RIMBP2: variants seen among roughly 807,000 people sequenced by gnomAD.
RIMBP2 encodes the protein RIMS binding protein 2, also known as RIMS-binding protein 2.
RIMBP2 carries 48 observed loss-of-function variants against 118.6 expected under a neutral mutation model. The ratio of observed to expected loss-of-function variants is 0.40; its 90% CI spans 0.32 to 0.51. The LOEUF (loss-of-function observed/expected upper bound fraction) is 0.51. RIMBP2 is among the 20% of genes least tolerant of loss of function. RIMBP2 has a pLI of 0.41. For synonymous variants in RIMBP2, 762 were observed against 742.9 expected (o/e 1.03, Z -0.42); for missense variants, 1,551 against 1,768.3 (o/e 0.88, Z 2.20).
chr12:130,423,645 G>A (rs1593241804), intron 16 of RIMBP2, among the ~76,000 whole-genome samples: 1 of 83,534 alleles, frequency 1.2e-5, no homozygotes. Flanking sequence ...AAGAACTTTG[G>A]AAACAATATG....
At chr12:130,516,555 G>A (rs572422111) in intron 3 of RIMBP2, among the ~76,000 whole-genome samples, 2 of 152,386 alleles carry the variant, frequency 1.3e-5, no homozygotes, top group South Asian at 4.1e-4. Flanking sequence ...AGGGAGGGCT[G>A]TTAGAGTGGA....
intron 11 of RIMBP2, among the ~76,000 whole-genome samples, chr12:130,439,320 T>C (rs1393743144): frequency 6.6e-6 from 1 of 151,060 alleles, no homozygotes; most frequent in African/African-American, 2.4e-5. Context: ...TGTGTATAGA[T>C]GTGTGTAAGT....
chr12:130,631,649 TA>T (rs1159691819), intron 1 of RIMBP2, among the ~76,000 whole-genome samples: 1 of 151,816 alleles, frequency 6.6e-6, no homozygotes, highest in African/African-American at 2.4e-5. Context: ...AAAGTGCTGC[TA>T]ATATTTTTTT....
intron 19 of RIMBP2, among the ~76,000 whole-genome samples, chr12:130,411,559 A>T (rs907680211): frequency 2.0e-5 from 3 of 151,856 alleles, no homozygotes; most frequent in Admixed American, 1.3e-4. Flanking sequence ...AGCATAAAAA[A>T]TTTTAATCTA....
intron 2 of RIMBP2, among the ~76,000 whole-genome samples, chr12:130,618,022 TC>T (rs2061056203): frequency 1.9e-3 from 1 of 526 alleles, no homozygotes; most frequent in Admixed American, 0.1. Flanking sequence ...AAAGACCTCT[TC>T]TAAAAAAAAA....
In RIMBP2 at chr12:130,442,452, C is replaced by T; in HGVS notation, c.900G>A (p.Gly300=). Residue 300 remains glycine, a synonymous_variant, in exon 11 of 23, where the codon GGG becomes GGA. Coordinates refer to ENST00000690449, the MANE Select transcript of RIMBP2 (RefSeq NM_001393629.1). The surrounding 1 kb of genome is among the most constrained non-coding windows in gnomAD (Gnocchi z 6.9). ...TGTCGTCGATGTTCACGTCCAGGGTCCCGGCACTGTTGTCGGTGATGCCCG... is the reference window on the plus strand; with the variant it reads ...TGTCGTCGATGTTCACGTCCAGGGTTCCGGCACTGTTGTCGGTGATGCCCG... ...IDAGITDNSA[G]TLDVNIDDIG... is the part of the protein sequence containing the mutation. 1.9e-6 allele frequency: 3 copies of T among 1,614,196 alleles called. No individual in the cohort carries two copies. The highest frequency in any genetic ancestry group is 2.2e-5 in the South Asian group (2 of 91,070).
Position 130,397,138 on chromosome 12 carries a change from C to G in RIMBP2, c.*223G>C. 1 of 327,872 alleles carries G rather than the reference C, an allele frequency of 3.0e-6. No homozygotes were observed. The highest frequency in any genetic ancestry group is 4.9e-5 in the Admixed American group (1 of 20,458). 20.3% of individuals were successfully genotyped at this position (327,872 alleles called of 1,614,324 possible). A position where few individuals can be genotyped will look rare whatever the true frequency, so the allele number is the denominator to read the frequency against. On this transcript the variant is annotated 3_prime_UTR_variant, in exon 23 of 23. Transcript: ENST00000690449. ...AGACGTCCCCTCCCACCTCCCAAAT[C>G]AGAGCTTGGACAATGAGAGCAGACT...
At chr12:130,642,743 C>A (rs1435977175) in intron 1 of RIMBP2, among the ~76,000 whole-genome samples, 1 of 152,204 alleles carries the variant, frequency 6.6e-6, no homozygotes, top group African/African-American at 2.4e-5. Flanking sequence ...ATAGCAACAA[C>A]CTTATAAGTC....
intron 17 of RIMBP2, among the ~76,000 whole-genome samples, chr12:130,418,532 T>C (rs969540972): frequency 6.6e-6 from 1 of 152,140 alleles, no homozygotes; most frequent in African/African-American, 2.4e-5. Context: ...GTCAGTGTGA[T>C]CTAGTGAATG....
At chr12:130,496,598 A>C (rs912074761) in intron 4 of RIMBP2, among the ~76,000 whole-genome samples, 4 of 151,988 alleles carry the variant, frequency 2.6e-5, no homozygotes, top group African/African-American at 9.7e-5. Context: ...ATACCTCATG[A>C]AAGGCCACGT....
chr12:130,541,064 G>C (rs931824546), intron 2 of RIMBP2, among the ~76,000 whole-genome samples: 1 of 152,136 alleles, frequency 6.6e-6, no homozygotes, highest in African/African-American at 2.4e-5. Flanking sequence ...GGATGGAAGA[G>C]GAGGAGTGAT....
chr12:130,660,675 GC>G (rs1218610463), intron 1 of RIMBP2: 1 of 152,104 alleles, frequency 6.6e-6, no homozygotes, highest in Admixed American at 6.5e-5. Context: ...CCCTGCCTGC[GC>G]CCCCACCCCA....
chr12:130,620,864 G>A lies in RIMBP2; in HGVS notation c.-217+7458C>T, dbSNP rs2061266264. On this transcript the variant is annotated intron_variant, in intron 2 of 22. Coordinates refer to ENST00000690449, the MANE Select transcript of RIMBP2 (RefSeq NM_001393629.1). The surrounding 1 kb of genome is among the most constrained non-coding windows in gnomAD (Gnocchi z 5.3). The stretch of plus-strand genomic sequence containing the variant: ...TTTTGTAGGGAACACCCCTCACCCT[G>A]TAACAGACTCTGTGACCCGCAGTCA... Among the ~76,000 whole-genome samples, 1 of 152,188 alleles carries A rather than the reference G, an allele frequency of 6.6e-6. No individual in the cohort carries two copies. The highest frequency in any genetic ancestry group is 2.4e-5 in the African/African-American group (1 of 41,430).
intron 1 of RIMBP2, among the ~76,000 whole-genome samples, chr12:130,674,333 C>T (rs538413433): frequency 8.5e-5 from 13 of 152,166 alleles, no homozygotes; most frequent in East Asian, 1.9e-4. Context: ...GAGCCAATTA[C>T]GCCTCTTTTC....
intron 1 of RIMBP2, among the ~76,000 whole-genome samples, chr12:130,636,547 C>T (rs902520002): frequency 1.8e-4 from 27 of 152,174 alleles, no homozygotes; most frequent in African/African-American, 5.8e-4. Context: ...CTTAAATGGA[C>T]TAGATGAGGT....
At chr12:130,599,560 A>C (rs893483702) in intron 2 of RIMBP2, among the ~76,000 whole-genome samples, 22 of 152,222 alleles carry the variant, frequency 1.4e-4, no homozygotes, top group Non-Finnish European at 2.9e-5. Context: ...AAAATATCAT[A>C]ATACCATGAC....
intron 1 of RIMBP2, among the ~76,000 whole-genome samples, chr12:130,693,630 T>C (rs2065437084): frequency 6.6e-6 from 1 of 152,170 alleles, no homozygotes; most frequent in African/African-American, 2.4e-5. Flanking sequence ...CATTTTGGCC[T>C]TCTCCTTTCT....
At chr12:130,572,936 C>T (rs113924967) in intron 2 of RIMBP2, among the ~76,000 whole-genome samples, 5 of 152,170 alleles carry the variant, frequency 3.3e-5, no homozygotes, top group Admixed American at 1.3e-4. Context: ...ACCCAGATTC[C>T]GCCACAGGGC....
intron 1 of RIMBP2, among the ~76,000 whole-genome samples, chr12:130,633,355 A>T (rs533759020): frequency 6.6e-6 from 1 of 152,180 alleles, no homozygotes; most frequent in Non-Finnish European, 1.5e-5. Context: ...CAGTTCTGTG[A>T]TGCTTAAACT....
Sources: allele counts gnomAD v4.1 joint callset (sites outside exome capture counted in the v4.1 genomes callset), GRCh38; gene constraint gnomAD v4.1.1; non-coding constraint Gnocchi (gnomAD v3.1); transcripts MANE v1.5; gene names NCBI Gene and HGNC (gene_info 2026-07-23, HGNC 2026-07-21).